The following DIAPH3 variants were observed in gnomAD, a reference collection of about 807,000 sequenced individuals.
The protein encoded by DIAPH3 is diaphanous related formin 3.
Under a neutral mutation model 144.3 loss-of-function variants are expected in DIAPH3, and 117 were observed. The ratio of observed to expected loss-of-function variants is 0.81; its 90% CI spans 0.70 to 0.95. The LOEUF is 0.95. Ranked by LOEUF, DIAPH3 falls within the 40% of genes least tolerant of loss-of-function variation. The pLI is 0.00. For synonymous variants in DIAPH3, 519 were observed against 488.9 expected, an observed-to-expected ratio of 1.06 and a Z score of -0.81; for missense variants, 1,421 against 1,412.7, an observed-to-expected ratio of 1.01 and a Z score of -0.09.
chr13:60,161,667 C>A (rs1005864835), intron 1 of DIAPH3, among the ~76,000 whole-genome samples: 1 of 152,118 alleles, frequency 6.6e-6, no homozygotes, highest in African/African-American at 2.4e-5. Context: ...TAAATACACA[C>A]AAGAAAGAGA....
intron 27 of DIAPH3, among the ~76,000 whole-genome samples, chr13:59,670,618 T>C (rs2032311077): frequency 6.6e-6 from 1 of 150,754 alleles, no homozygotes; most frequent in African/African-American, 2.4e-5. Context: ...AGTCTTGCTC[T>C]GTCGCCCAGG....
chr13:60,114,931 A>G (rs1415898057), intron 2 of DIAPH3, among the ~76,000 whole-genome samples: 1 of 152,170 alleles, frequency 6.6e-6, no homozygotes, highest in Non-Finnish European at 1.5e-5. Context: ...AAGTCCACAT[A>G]TAAATTTTGA....
At chr13:59,829,930 T>A (rs953503297) in intron 24 of DIAPH3, among the ~76,000 whole-genome samples, 1 of 151,906 alleles carries the variant, frequency 6.6e-6, no homozygotes, top group African/African-American at 2.4e-5. Context: ...CACTTTATGA[T>A]AAAAGCTCAT....
chr13:59,741,358 T>G (rs2036434865), intron 27 of DIAPH3, among the ~76,000 whole-genome samples: 1 of 152,204 alleles, frequency 6.6e-6, no homozygotes, highest in African/African-American at 2.4e-5. Flanking sequence ...GCTATTGTAC[T>G]ACATAGGTGA....
intron 25 of DIAPH3, among the ~76,000 whole-genome samples, chr13:59,807,034 A>G (rs183688809): frequency 1.1e-3 from 166 of 152,006 alleles, no homozygotes; most frequent in African/African-American, 3.8e-3. Flanking sequence ...ATAATATGGA[A>G]AAAAGTTGAC....
chr13:60,026,222 C>T (rs2054362429), intron 5 of DIAPH3, among the ~76,000 whole-genome samples: 1 of 151,914 alleles, frequency 6.6e-6, no homozygotes, highest in Admixed American at 6.6e-5. Context: ...ACAGTTGTAC[C>T]TACTATTGTA....
intron 22 of DIAPH3, among the ~76,000 whole-genome samples, chr13:59,850,481 T>C (rs2042899965): frequency 6.6e-6 from 1 of 151,644 alleles, no homozygotes; most frequent in Admixed American, 6.6e-5. Context: ...CTTATTATTT[T>C]GAAATACGTC....
At chr13:59,945,359 C>T (rs1004671750) in intron 17 of DIAPH3, among the ~76,000 whole-genome samples, 1 of 152,116 alleles carries the variant, frequency 6.6e-6, no homozygotes, top group Non-Finnish European at 1.5e-5. Context: ...AGATTATATA[C>T]TATAGGAAAG....
intron 23 of DIAPH3, 164 bp downstream of exon 23, chr13:59,839,160 T>C: frequency 1.5e-6 from 1 of 672,420 alleles, no homozygotes; most frequent in Non-Finnish European, 2.5e-6. Flanking sequence ...TATTCATGAT[T>C]GACAGACACT....
chr13:60,126,645 G>A (rs993236819), intron 2 of DIAPH3, among the ~76,000 whole-genome samples: 4 of 152,056 alleles, frequency 2.6e-5, no homozygotes, highest in Non-Finnish European at 5.9e-5. Flanking sequence ...ACCATGTTCT[G>A]GGACATAAAG....
chr13:60,056,940 A>G (rs2056582411), intron 4 of DIAPH3, among the ~76,000 whole-genome samples: 1 of 151,898 alleles, frequency 6.6e-6, no homozygotes, highest in Admixed American at 6.6e-5. Context: ...GATAAATTTT[A>G]TATTATATAA....
intron 27 of DIAPH3, among the ~76,000 whole-genome samples, chr13:59,676,002 G>C (rs1405322716): frequency 6.6e-6 from 1 of 152,154 alleles, no homozygotes; most frequent in Non-Finnish European, 1.5e-5. Flanking sequence ...TCATCACATA[G>C]TGTGCTTTTA....
chr13:59,671,706 C>A (rs1472138796), intron 27 of DIAPH3, among the ~76,000 whole-genome samples: 1 of 152,134 alleles, frequency 6.6e-6, no homozygotes, highest in African/African-American at 2.4e-5. Flanking sequence ...ATGCTATTTT[C>A]CTTTAAGATA....
chr13:60,118,080 T>C (rs1055751856), intron 2 of DIAPH3, among the ~76,000 whole-genome samples: 2 of 152,176 alleles, frequency 1.3e-5, no homozygotes, highest in African/African-American at 4.8e-5. Flanking sequence ...TGGCTTTGAC[T>C]GTGTCTGGGG....
intron 27 of DIAPH3, among the ~76,000 whole-genome samples, chr13:59,708,600 T>G (rs1410652718): frequency 6.6e-6 from 1 of 152,182 alleles, no homozygotes; most frequent in Non-Finnish European, 1.5e-5. Context: ...TCCATCTCAG[T>G]GTTTTGTGTT....
chr13:60,117,690 CTA>C (rs1566791587), intron 2 of DIAPH3, among the ~76,000 whole-genome samples: 1 of 152,068 alleles, frequency 6.6e-6, no homozygotes, highest in Non-Finnish European at 1.5e-5. Context: ...CACTCCTAAT[CTA>C]TCTTTGATGA....
chr13:60,038,094 T>G (rs765613358), intron 5 of DIAPH3, among the ~76,000 whole-genome samples: 11 of 151,966 alleles, frequency 7.2e-5, no homozygotes, highest in Non-Finnish European at 1.5e-4. Context: ...AAACTCAGGA[T>G]AGTGGTTACC....
intron 4 of DIAPH3, among the ~76,000 whole-genome samples, chr13:60,060,718 C>A (rs1470117261): frequency 6.6e-6 from 1 of 151,986 alleles, no homozygotes; most frequent in Non-Finnish European, 1.5e-5. Flanking sequence ...TGTATAAATA[C>A]TTCTTAAATA....
At chr13:59,707,934 C>T (rs750139865) in intron 27 of DIAPH3, among the ~76,000 whole-genome samples, 2 of 151,890 alleles carry the variant, frequency 1.3e-5, no homozygotes, top group Non-Finnish European at 2.9e-5. Context: ...TTTCTCCCCA[C>T]TTCATTTCAT....
Sources: gnomAD v4.1 joint callset for allele counts (sites outside exome capture counted in the v4.1 genomes callset) on GRCh38, gnomAD v4.1.1 for gene constraint, MANE v1.5 for transcripts, NCBI Gene and HGNC (gene_info 2026-07-23, HGNC 2026-07-21) for gene names.